The following SMNDC1 variants were observed in gnomAD, a reference collection of about 807,000 sequenced individuals.
SMNDC1 encodes survival motor neuron domain containing 1.
SMNDC1 carries 5 observed loss-of-function variants against 29.2 expected under a neutral mutation model. The observed-to-expected ratio is 0.17, with a 90% CI of 0.09 to 0.36. The LOEUF (loss-of-function observed/expected upper bound fraction) is 0.36, where lower values mean the gene tolerates loss of function less well. Ranked by LOEUF, SMNDC1 falls within the 10% of genes least tolerant of loss-of-function variation. The probability of loss-of-function intolerance (pLI) is 1.00; values close to 1 mark genes in which losing one functional copy is unlikely to be tolerated. For synonymous variants in SMNDC1, 80 were observed against 89.9 expected (o/e 0.89, Z 0.62); for missense variants, 142 against 268.5 (o/e 0.53, Z 3.29).
In SMNDC1 at chr10:110,292,870, G is replaced by C. The variant is rs1857514758; in HGVS notation, c.*1280C>G. ...GAGGACATCCTATAAACACAGGCCTGGTTTGCCCTTTAAGATCCAATTTCT... is the reference window on the plus strand; with the variant it reads ...GAGGACATCCTATAAACACAGGCCTCGTTTGCCCTTTAAGATCCAATTTCT... On this transcript the variant is annotated 3_prime_UTR_variant, in exon 6 of 6. Coordinates refer to ENST00000369603, the MANE Select transcript of SMNDC1 (RefSeq NM_005871.4). 6.6e-6 allele frequency: 1 copy of C among 152,100 alleles called. No homozygotes were observed. Among genetic ancestry groups the C allele is most frequent in the Non-Finnish European group, 1.5e-5 (1 of 68,012 alleles). 9.4% of individuals were successfully genotyped at this position (152,100 alleles called of 1,614,324 possible).
intron 4 of SMNDC1, among the ~76,000 whole-genome samples, chr10:110,297,092 TCA>T (rs1857574393): frequency 6.6e-6 from 1 of 152,228 alleles, no homozygotes; most frequent in Non-Finnish European, 1.5e-5. Context: ...TTTTCAAATC[TCA>T]GTTTAGATGT....
intron 2 of SMNDC1, among the ~76,000 whole-genome samples, chr10:110,303,214 A>T (rs1857682965): frequency 6.6e-6 from 1 of 152,240 alleles, no homozygotes; most frequent in South Asian, 2.1e-4. Context: ...AGACTTGGAA[A>T]TTTCTATCAA....
chr10:110,294,337 A>G, intron 5 of SMNDC1, 50 bp from the exon 6 acceptor site: 1 of 1,460,244 alleles, frequency 6.8e-7, no homozygotes, highest in African/African-American at 1.5e-5. Context: ...GGAAAAAATA[A>G]AAAATTTCAA....
chr10:110,300,682 T>G, intron 2 of SMNDC1: 1 of 985,280 alleles, frequency 1.0e-6, no homozygotes, highest in Non-Finnish European at 1.2e-6. Flanking sequence ...TCAAATGGGG[T>G]GCACTCAAGC....
At chr10:110,297,839 A>C in intron 3 of SMNDC1, 111 bp from the exon 4 acceptor site, 2 of 952,122 alleles carry the variant, frequency 2.1e-6, no homozygotes, top group East Asian at 2.7e-5. Context: ...AAACTTCTAT[A>C]ATCAAATGGT....
chr10:110,296,889 T>TA (rs1195310798), intron 4 of SMNDC1, among the ~76,000 whole-genome samples: 1 of 152,178 alleles, frequency 6.6e-6, no homozygotes, highest in Non-Finnish European at 1.5e-5. Context: ...TTACTACATG[T>TA]AAAGAACTGT....
rs773697700 is a variant in SMNDC1, at chr10:110,298,714, G to A, written c.197C>T (p.Ser66Phe). ...ETLASSDSFA[S>F]TQPTHSWKVG... ...TTTCCATGAATGAGTAGGTTGAGTA[G>A]AAGCAAAACTGTCTGAACTTGCAAG... is the stretch of plus-strand genomic sequence containing the variant. Residue 66 changes from serine to phenylalanine, a missense_variant, in exon 3 of 6, where the codon TCT (serine) becomes TTT (phenylalanine). Ser to Phe is a radical substitution (Grantham distance 155). This residue lies in a region of SMNDC1 where 65 missense variants were observed against 75.9 expected (regional missense o/e 0.86). Transcript: ENST00000369603. The A allele has an allele frequency of 6.2e-7, 1 of 1,613,558 alleles. No individual in the cohort carries two copies. The highest frequency in any genetic ancestry group is 8.5e-7 in the Non-Finnish European group (1 of 1,179,660).
intron 2 of SMNDC1, among the ~76,000 whole-genome samples, chr10:110,299,451 C>G (rs1465540431): frequency 6.6e-6 from 1 of 152,168 alleles, no homozygotes; most frequent in African/African-American, 2.4e-5. Context: ...AAAAAGGTAA[C>G]ACACAAAGGC....
At chr10:110,295,086 A>T (rs1284084120) in intron 5 of SMNDC1, 142 bp downstream of exon 5, 33 of 677,376 alleles carry the variant, frequency 4.9e-5, no homozygotes, top group Non-Finnish European at 4.5e-5. Context: ...TCAATAAGTT[A>T]AATTGAGCAT....
chr10:110,293,553 C>CCTTACA lies in SMNDC1; in HGVS notation c.*596_*597insTGTAAG, dbSNP rs973193599. 6.6e-6 allele frequency: 1 copy of CCTTACA among 152,040 alleles called. No individual in the cohort carries two copies. The highest frequency in any genetic ancestry group is 1.5e-5 in the Non-Finnish European group (1 of 67,980). The allele number at this position is 152,040 out of a possible 1,614,324, so 9.4% of individuals were successfully genotyped here. On this transcript the variant is annotated 3_prime_UTR_variant, in exon 6 of 6. Coordinates refer to ENST00000369603, the MANE Select transcript of SMNDC1 (RefSeq NM_005871.4). The stretch of plus-strand genomic sequence containing the variant: ...TCATCCTAAGGTTTCTTACATAAAA[C>CCTTACA]TAAGAGTACATAAAAATAAAACAGC...
rs140274937 is a variant in SMNDC1 at position 110,302,551 on chromosome 10, C to T, written c.120+917G>A. 4.1e-3 allele frequency among the ~76,000 whole-genome samples: 622 copies of T among 152,132 alleles called. 7 individuals carry two copies. The highest frequency in any genetic ancestry group is 0.014 in the African/African-American group (586 of 41,478). On this transcript the variant is annotated intron_variant, in intron 2 of 5. Coordinates refer to ENST00000369603, the MANE Select transcript of SMNDC1 (RefSeq NM_005871.4). ...ATCCCTAAAATAGTAATAGTTTTAA[C>T]GGGCAGTGGGATAATAAAGGGAGGG...
intron 4 of SMNDC1, 69 bp from the exon 5 acceptor site, chr10:110,295,450 C>A: frequency 7.8e-7 from 1 of 1,275,396 alleles, no homozygotes; most frequent in South Asian, 1.5e-5. Context: ...TTGAAGACAC[C>A]GGCAGTGCAA....
chr10:110,295,270 T>C lies in SMNDC1; in HGVS notation c.537A>G (p.Gln179=), dbSNP rs759673652. ...QEREDQKVKW[Q]QFNNRAYSKN... is the part of the protein sequence containing the mutation. ...TAGAATAGGCTCTGTTGTTGAATTG[T>C]TGCCATTTCACTTTCTGGTCCTCTC... Residue 179 remains glutamine (Q), a synonymous_variant, in exon 5 of 6, where the codon CAA becomes CAG. Coordinates refer to ENST00000369603, the MANE Select transcript of SMNDC1 (RefSeq NM_005871.4). 1.9e-5 allele frequency: 31 copies of C among 1,608,988 alleles called. No homozygotes were observed. The highest frequency in any genetic ancestry group is 2.1e-5 in the Non-Finnish European group (25 of 1,178,858).
intron 2 of SMNDC1, among the ~76,000 whole-genome samples, chr10:110,302,591 C>T (rs10884946): frequency 3.3e-5 from 5 of 151,988 alleles, no homozygotes; most frequent in African/African-American, 1.2e-4. Context: ...AATTTTTAGA[C>T]AGGATACAGA....
Position 110,292,865 on chromosome 10 carries a change from G to A in SMNDC1, c.*1285C>T, listed in dbSNP as rs907129192. On this transcript the variant is annotated 3_prime_UTR_variant, in exon 6 of 6. Coordinates refer to ENST00000369603, the MANE Select transcript of SMNDC1 (RefSeq NM_005871.4). Reference sequence around the variant, plus strand: ...AAAATGAGGACATCCTATAAACACAGGCCTGGTTTGCCCTTTAAGATCCAA... The same window carrying A: ...AAAATGAGGACATCCTATAAACACAAGCCTGGTTTGCCCTTTAAGATCCAA... 2.6e-5 allele frequency: 4 copies of A among 152,090 alleles called. No homozygotes were observed. Among genetic ancestry groups the A allele is most frequent in the Non-Finnish European group, 5.9e-5 (4 of 68,004 alleles). The allele number at this position is 152,090 out of a possible 1,614,324, so 9.4% of individuals were successfully genotyped here.
intron 4 of SMNDC1, among the ~76,000 whole-genome samples, chr10:110,296,603 T>C (rs1857565630): frequency 6.6e-6 from 1 of 152,170 alleles, no homozygotes; most frequent in Admixed American, 6.5e-5. Flanking sequence ...CCCATTCCCA[T>C]TGCAACTCCC....
chr10:110,297,510 T>C, intron 4 of SMNDC1, 57 bp downstream of exon 4: 1 of 1,522,916 alleles, frequency 6.6e-7, no homozygotes, highest in Non-Finnish European at 9.0e-7. Flanking sequence ...TGCAGACTAC[T>C]TCAAGTATCC....
chr10:110,300,190 TTTAAC>T (rs1288297249), intron 2 of SMNDC1, among the ~76,000 whole-genome samples: 2 of 152,216 alleles, frequency 1.3e-5, no homozygotes, highest in Non-Finnish European at 2.9e-5. Flanking sequence ...CTAGGGATCA[TTTAAC>T]TTAAGCACAG....
Position 110,294,091 on chromosome 10 carries a change from A to G in SMNDC1, c.*59T>C, listed in dbSNP as rs1857534107. 11 of 1,338,712 alleles carry G rather than the reference A, an allele frequency of 8.2e-6. No homozygotes were observed. The highest frequency in any genetic ancestry group is 1.1e-5 in the Non-Finnish European group (11 of 1,009,514). 82.9% of individuals were successfully genotyped at this position (1,338,712 alleles called of 1,614,324 possible). On this transcript the variant is annotated 3_prime_UTR_variant, in exon 6 of 6. Transcript: ENST00000369603. ...ACAAATAATTTACCTTTAGAAAAAT[A>G]TAAGGATAAAAAGGTAAATGTAAAG...
Sources: gnomAD v4.1 joint callset for allele counts (sites outside exome capture counted in the v4.1 genomes callset) on GRCh38, gnomAD v4.1.1 for gene constraint, gnomAD v4.1.1 regional missense constraint, MANE v1.5 for transcripts, NCBI Gene and HGNC (gene_info 2026-07-23, HGNC 2026-07-21) for gene names.